The following CCDC152 variants were observed in gnomAD, a reference collection of about 807,000 sequenced individuals.
The protein encoded by CCDC152 is coiled-coil domain-containing protein 152.
Under a neutral mutation model 38.1 loss-of-function variants are expected in CCDC152, and 37 were observed. The ratio of observed to expected loss-of-function variants is 0.97; its 90% CI spans 0.75 to 1.28. The LOEUF (loss-of-function observed/expected upper bound fraction) is 1.28. Ranked by LOEUF, CCDC152 falls within the 50% of genes most tolerant of loss-of-function variation. The probability of loss-of-function intolerance (pLI) is 0.00; values close to 1 mark genes in which losing one functional copy is unlikely to be tolerated. For synonymous variants in CCDC152, 83 were observed against 87.1 expected, an observed-to-expected ratio of 0.95 and a Z score of 0.26; for missense variants, 259 against 292.1, an observed-to-expected ratio of 0.89 and a Z score of 0.83.
intron 5 of CCDC152, 114 bp downstream of exon 5, chr5:42,779,636 T>G (rs1248894478): frequency 8.8e-6 from 5 of 566,116 alleles, no homozygotes; most frequent in Non-Finnish European, 1.6e-5. Flanking sequence ...TTTGTGGGTG[T>G]GTGTGTGTGT....
At chr5:42,775,924 A>C (rs529883527) in intron 4 of CCDC152, among the ~76,000 whole-genome samples, 1 of 151,870 alleles carries the variant, frequency 6.6e-6, no homozygotes, top group African/African-American at 2.4e-5. Context: ...AAAAAAAAAA[A>C]AAAACTAAAA....
At chr5:42,768,300 C>A (rs890777294) in intron 3 of CCDC152, among the ~76,000 whole-genome samples, 1 of 152,172 alleles carries the variant, frequency 6.6e-6, no homozygotes, top group Admixed American at 6.5e-5. Context: ...CCTATCAACC[C>A]AATAATCACT....
intron 5 of CCDC152, among the ~76,000 whole-genome samples, chr5:42,781,546 C>T (rs1013875092): frequency 1.6e-4 from 16 of 100,638 alleles, no homozygotes; most frequent in Admixed American, 9.3e-4. Flanking sequence ...GAGAAAAATG[C>T]GCGCGCGCGC....
intron 3 of CCDC152, among the ~76,000 whole-genome samples, chr5:42,764,259 A>C (rs1218923848): frequency 2.0e-5 from 3 of 152,060 alleles, no homozygotes; most frequent in Admixed American, 6.6e-5. Context: ...AAAATACAAA[A>C]ATTAGCCGGG....
chr5:42,770,461 C>T (rs538003795), intron 4 of CCDC152, among the ~76,000 whole-genome samples: 1 of 152,084 alleles, frequency 6.6e-6, no homozygotes, highest in African/African-American at 2.4e-5. Context: ...ATACCACACC[C>T]AGCTGGGTTC....
intron 4 of CCDC152, among the ~76,000 whole-genome samples, chr5:42,772,244 C>G (rs915318905): frequency 6.6e-6 from 1 of 152,148 alleles, no homozygotes; most frequent in African/African-American, 2.4e-5. Flanking sequence ...TTAAAACTCT[C>G]ATGAAATAGG....
intron 7 of CCDC152, among the ~76,000 whole-genome samples, 194 bp from the exon 8 acceptor site, chr5:42,799,181 G>A (rs28918068): frequency 0.018 from 2,744 of 151,992 alleles, 144 homozygotes; most frequent in South Asian, 0.18. Flanking sequence ...CGTGCAATCA[G>A]GGTTAATCTT....
chr5:42,760,964 T>C (rs1000927187), intron 2 of CCDC152, among the ~76,000 whole-genome samples: 6 of 152,186 alleles, frequency 3.9e-5, no homozygotes, highest in African/African-American at 1.4e-4. Context: ...GTGATGATGG[T>C]ATTGTGGCCA....
chr5:42,771,234 C>A (rs1167179032), intron 4 of CCDC152, among the ~76,000 whole-genome samples: 1 of 152,004 alleles, frequency 6.6e-6, no homozygotes, highest in African/African-American at 2.4e-5. Context: ...AATGAAAACA[C>A]AACATACCAA....
At chr5:42,775,878 T>C (rs1579712250) in intron 4 of CCDC152, among the ~76,000 whole-genome samples, 1 of 150,792 alleles carries the variant, frequency 6.6e-6, no homozygotes, top group Admixed American at 6.6e-5. Flanking sequence ...CCTGAATTCA[T>C]TGTAAATGTA....
intron 4 of CCDC152, among the ~76,000 whole-genome samples, chr5:42,774,283 A>G (rs977166094): frequency 6.6e-6 from 1 of 152,162 alleles, no homozygotes; most frequent in Non-Finnish European, 1.5e-5. Context: ...ACCCAATCCC[A>G]TAGGAGAGCC....
chr5:42,781,553 G>A (rs2973010), intron 5 of CCDC152, among the ~76,000 whole-genome samples: 66,381 of 125,184 alleles, frequency 0.53, 14,836 homozygotes, highest in East Asian at 0.61. Flanking sequence ...ATGCGCGCGC[G>A]CGCACACACA....
At chr5:42,797,455 C>A (rs1054580680) in intron 7 of CCDC152, among the ~76,000 whole-genome samples, 1 of 152,150 alleles carries the variant, frequency 6.6e-6, no homozygotes, top group Non-Finnish European at 1.5e-5. Context: ...CTTACTAATT[C>A]TATCTTTAGT....
At chr5:42,769,716 C>A (rs1268032690) in intron 4 of CCDC152, 51 bp downstream of exon 4, 4 of 1,434,390 alleles carry the variant, frequency 2.8e-6, no homozygotes, top group Admixed American at 3.0e-5. Flanking sequence ...TATTTGAGCA[C>A]CTTTAAAAAT....
chr5:42,771,905 TC>T (rs1383987033), intron 4 of CCDC152, among the ~76,000 whole-genome samples: 1 of 152,100 alleles, frequency 6.6e-6, no homozygotes, highest in African/African-American at 2.4e-5. Context: ...TCCAAACTCA[TC>T]CTATGAGGCC....
At chr5:42,757,355 G>A (rs183943661) in intron 1 of CCDC152, among the ~76,000 whole-genome samples, 6 of 152,308 alleles carry the variant, frequency 3.9e-5, no homozygotes, top group Non-Finnish European at 7.4e-5. Flanking sequence ...GTGTGGGGTA[G>A]GGGAGAGGAC....
chr5:42,787,115 T>C (rs1392227635), intron 6 of CCDC152, among the ~76,000 whole-genome samples: 3 of 152,102 alleles, frequency 2.0e-5, no homozygotes, highest in Non-Finnish European at 2.9e-5. Flanking sequence ...AAAAAATGTA[T>C]ATTCTGCAGT....
intron 4 of CCDC152, among the ~76,000 whole-genome samples, chr5:42,774,367 C>T (rs1759743039): frequency 6.6e-6 from 1 of 152,148 alleles, no homozygotes. Flanking sequence ...AAAATTCCCT[C>T]ATGTTGTTGG....
intron 4 of CCDC152, among the ~76,000 whole-genome samples, chr5:42,774,019 C>T (rs879729483): frequency 2.0e-5 from 3 of 152,152 alleles, no homozygotes; most frequent in African/African-American, 4.8e-5. Flanking sequence ...GAAGTTGTCA[C>T]GCCCTGCTAA....
Sources: gnomAD v4.1 joint callset for allele counts (sites outside exome capture counted in the v4.1 genomes callset) on GRCh38, gnomAD v4.1.1 for gene constraint, MANE v1.5 for transcripts, NCBI Gene and HGNC (gene_info 2026-07-23, HGNC 2026-07-21) for gene names.